The following MSN variants were observed in gnomAD, a reference collection of about 807,000 sequenced individuals.
MSN encodes the protein epididymis luminal protein 70.
Under a neutral mutation model 48.0 loss-of-function variants are expected in MSN, and 2 were observed. The ratio of observed to expected loss-of-function variants is 0.04; its 90% CI spans 0.02 to 0.13. The LOEUF is 0.13. Ranked by LOEUF, MSN falls within the 10% of genes least tolerant of loss-of-function variation. The probability of loss-of-function intolerance (pLI) is 1.00; values close to 1 mark genes in which losing one functional copy is unlikely to be tolerated. For synonymous variants in MSN, 146 were observed against 166.9 expected, an observed-to-expected ratio of 0.87 and a Z score of 0.97; for missense variants, 267 against 470.1, an observed-to-expected ratio of 0.57 and a Z score of 3.99.
chrX:65,724,038 C>T (rs1253486574), intron 2 of MSN, among the ~76,000 whole-genome samples: 1 of 102,109 alleles, frequency 9.8e-6, no homozygotes, highest in African/African-American at 3.5e-5. Context: ...TGAATTCTCT[C>T]TTTTTTTTTT....
In MSN at chrX:65,740,469, A is replaced by G. The variant is rs1016168645; in HGVS notation, c.*576A>G. 8 of 173,403 alleles carry G rather than the reference A, an allele frequency of 4.6e-5. No homozygotes were observed. The highest frequency in any genetic ancestry group is 7.7e-5 in the Non-Finnish European group (7 of 90,936). 14.3% of individuals were successfully genotyped at this position (173,403 alleles called of 1,213,427 possible). On this transcript the variant is annotated 3_prime_UTR_variant, in exon 13 of 13. Transcript: ENST00000360270. ...TCAGTCATTTTTGTTTCTACCTCCC[A>G]GATCGGATCTGTTGCAAACTCAGCC...
chrX:65,631,238 C>T (rs1240911989), intron 1 of MSN, among the ~76,000 whole-genome samples: 2 of 109,981 alleles, frequency 1.8e-5, no homozygotes, highest in African/African-American at 3.3e-5. Flanking sequence ...GGATTACAGG[C>T]GCCCACCACC....
At chrX:65,643,657 A>G (rs918157219) in intron 1 of MSN, among the ~76,000 whole-genome samples, 20 of 111,992 alleles carry the variant, frequency 1.8e-4, no homozygotes, top group African/African-American at 6.5e-4. Flanking sequence ...ATGTGCAGCC[A>G]GGGCTATGAA....
chrX:65,740,784 G>A lies in MSN; in HGVS notation c.*891G>A, dbSNP rs1326819858. 1 of 172,184 alleles carries A rather than the reference G, an allele frequency of 5.8e-6. No homozygotes were observed. The highest frequency in any genetic ancestry group is 1.1e-5 in the Non-Finnish European group (1 of 90,368). 14.2% of individuals were successfully genotyped at this position (172,184 alleles called of 1,213,427 possible). A position where few individuals can be genotyped will look rare whatever the true frequency, so the allele number is the denominator to read the frequency against. ...AATCCTCTCCAGCTATAACAGTAGGGATGAGTACCCAAAAGCTCAGCCAGC... is the reference window on the plus strand; with the variant it reads ...AATCCTCTCCAGCTATAACAGTAGGAATGAGTACCCAAAAGCTCAGCCAGC... On this transcript the variant is annotated 3_prime_UTR_variant, in exon 13 of 13. Coordinates refer to ENST00000360270, the MANE Select transcript of MSN (RefSeq NM_002444.3).
chrX:65,731,214 G>A (rs1213177948), intron 5 of MSN, 24 bp downstream of exon 5: 5 of 1,150,039 alleles, frequency 4.3e-6, no homozygotes, highest in Middle Eastern at 4.7e-4. Flanking sequence ...AGCAGTGGTG[G>A]GCCCCACTTC....
Position 65,713,157 on chromosome X carries a change from C to A in MSN, c.13-3661C>A, listed in dbSNP as rs12011533. On this transcript the variant is annotated intron_variant, in intron 1 of 12. Transcript: ENST00000360270. ...TACTACTGAGTTTTCAGCCAAAGGA[C>A]TAAATCTCTAATTATGAAATTTCAG... Among the ~76,000 whole-genome samples the A allele has an allele frequency of 2.2e-3, 248 of 111,837 alleles. 1 individual carries two copies. The highest frequency in any genetic ancestry group is 7.6e-3 in the African/African-American group (233 of 30,768).
At chrX:65,734,888 A>G (rs2071659584) in intron 7 of MSN, among the ~76,000 whole-genome samples, 1 of 112,122 alleles carries the variant, frequency 8.9e-6, no homozygotes, top group South Asian at 3.7e-4. Flanking sequence ...TTTGGCTTCC[A>G]AAAGAGGTCA....
intron 1 of MSN, among the ~76,000 whole-genome samples, chrX:65,711,318 C>A (rs2071413001): frequency 9.0e-6 from 1 of 111,353 alleles, no homozygotes; most frequent in Non-Finnish European, 1.9e-5. Context: ...CCTCGGCCTC[C>A]CAAAGTGCTG....
intron 1 of MSN, among the ~76,000 whole-genome samples, chrX:65,693,985 G>A (rs909402424): frequency 2.7e-5 from 3 of 110,182 alleles, no homozygotes; most frequent in Non-Finnish European, 5.7e-5. Context: ...CCCAGGAGGC[G>A]GAGGTTGCAG....
At chrX:65,675,718 A>G (rs965336271) in intron 1 of MSN, among the ~76,000 whole-genome samples, 1 of 110,498 alleles carries the variant, frequency 9.0e-6, no homozygotes, top group East Asian at 2.8e-4. Flanking sequence ...GCTCACTGCA[A>G]CCTCCGCCTC....
At chrX:65,638,364 A>G (rs1052920185) in intron 1 of MSN, among the ~76,000 whole-genome samples, 4 of 111,338 alleles carry the variant, frequency 3.6e-5, no homozygotes, top group Non-Finnish European at 5.7e-5. Flanking sequence ...CTCCCATAGC[A>G]TTTCTGCTTT....
rs1346137720 is a variant in MSN, at chrX:65,648,978, G to C, written c.-22+60366G>C. On this transcript the variant is annotated intron_variant, in intron 1 of 3. Coordinates refer to the MSN transcript ENST00000609672. ...GGTAAGGCCTGGGTATGGATGAGGA[G>C]AAAATGCCAAAGATCCCACTGTCCG... Among the ~76,000 whole-genome samples the C allele has an allele frequency of 2.7e-5, 3 of 110,699 alleles. No individual in the cohort carries two copies. In the East Asian group the frequency reaches 8.4e-4, roughly 31 times the overall value.
intron 1 of MSN, among the ~76,000 whole-genome samples, chrX:65,599,781 G>T (rs1235119619): frequency 9.0e-6 from 1 of 111,394 alleles, no homozygotes; most frequent in Non-Finnish European, 1.9e-5. Flanking sequence ...GAGGGCAGAG[G>T]GCATGAAAAA....
intron 2 of MSN, among the ~76,000 whole-genome samples, chrX:65,723,944 C>T (rs1456058825): frequency 9.0e-6 from 1 of 110,927 alleles, no homozygotes; most frequent in Non-Finnish European, 1.9e-5. Flanking sequence ...GGAAGTGGAA[C>T]ATTTATGTTT....
chrX:65,651,561 TTTA>T (rs35256397), intron 1 of MSN, among the ~76,000 whole-genome samples: 10,839 of 94,405 alleles, frequency 0.11, 697 homozygotes, highest in Non-Finnish European at 0.16. Context: ...AGAAGTAATA[TTTA>T]TTATTATTAT....
intron 1 of MSN, among the ~76,000 whole-genome samples, chrX:65,699,321 A>C (rs1369623312): frequency 9.0e-6 from 1 of 111,700 alleles, no homozygotes; most frequent in Admixed American, 9.5e-5. Flanking sequence ...CTCCGAGCTA[A>C]AGATGTGGCT....
At chrX:65,697,154 A>G (rs1314418997) in intron 1 of MSN, among the ~76,000 whole-genome samples, 4 of 108,161 alleles carry the variant, frequency 3.7e-5, no homozygotes, top group Non-Finnish European at 7.7e-5. Flanking sequence ...CCTAATGGGG[A>G]TGAGAATTGG....
chrX:65,644,194 G>A (rs959597085), intron 1 of MSN, among the ~76,000 whole-genome samples: 1 of 112,033 alleles, frequency 8.9e-6, no homozygotes, highest in Non-Finnish European at 1.9e-5. Context: ...AAGGTCACAG[G>A]ATGCTTGCCA....
chrX:65,597,734 T>A (rs896347414), intron 1 of MSN, among the ~76,000 whole-genome samples: 2 of 112,227 alleles, frequency 1.8e-5, no homozygotes, highest in African/African-American at 3.2e-5. Context: ...ACATTCTAGT[T>A]CCAGTTCTGT....
Sources: gnomAD v4.1 joint callset for allele counts (sites outside exome capture counted in the v4.1 genomes callset) on GRCh38, gnomAD v4.1.1 for gene constraint, MANE v1.5 for transcripts, NCBI Gene and HGNC (gene_info 2026-07-23, HGNC 2026-07-21) for gene names.